The following TRAF6 variants were observed in gnomAD, a reference collection of about 807,000 sequenced individuals.
TRAF6 encodes the protein TNF receptor-associated factor 6.
A neutral mutation model predicts 48.4 loss-of-function variants in TRAF6; 10 were observed. The observed-to-expected ratio is 0.21, with a 90% CI of 0.13 to 0.35. The LOEUF (loss-of-function observed/expected upper bound fraction) is 0.35, where lower values mean the gene tolerates loss of function less well. Ranked by LOEUF, TRAF6 falls within the 10% of genes least tolerant of loss-of-function variation. The probability of loss-of-function intolerance (pLI) is 1.00; values close to 1 mark genes in which losing one functional copy is unlikely to be tolerated. For synonymous variants in TRAF6, 186 were observed against 219.6 expected (o/e 0.85, Z 1.35); for missense variants, 397 against 661.0 (o/e 0.60, Z 4.38).
At chr11:36,496,017 T>C (rs560876875) in intron 4 of TRAF6, among the ~76,000 whole-genome samples, 1 of 152,364 alleles carries the variant, frequency 6.6e-6, no homozygotes, top group South Asian at 2.1e-4. Flanking sequence ...AAAATATGCT[T>C]GATCTCAAAG....
At chr11:36,507,692 AGCGTGT>A (rs1859821304) in intron 1 of TRAF6, among the ~76,000 whole-genome samples, 1 of 40,536 alleles carries the variant, frequency 2.5e-5, no homozygotes, top group African/African-American at 1.1e-4. Flanking sequence ...TACATACACG[AGCGTGT>A]ATATATGTAT....
At chr11:36,496,990 G>A in intron 4 of TRAF6, 118 bp downstream of exon 4, 1 of 1,065,556 alleles carries the variant, frequency 9.4e-7, no homozygotes, top group East Asian at 2.7e-5. Context: ...TCCCAAAATT[G>A]ATAATGTAGA....
chr11:36,502,689 A>G (rs531592224), intron 1 of TRAF6, among the ~76,000 whole-genome samples: 4 of 152,294 alleles, frequency 2.6e-5, no homozygotes, highest in Admixed American at 6.5e-5. Flanking sequence ...ACCGCCTACA[A>G]TGAGGTACTA....
intron 5 of TRAF6, among the ~76,000 whole-genome samples, chr11:36,492,997 C>T (rs961194754): frequency 6.6e-6 from 1 of 152,164 alleles, no homozygotes; most frequent in Non-Finnish European, 1.5e-5. Flanking sequence ...TAATAGGAAC[C>T]AGTCAACTGC....
chr11:36,500,047 A>G (rs1859695013), intron 2 of TRAF6, among the ~76,000 whole-genome samples: 1 of 152,210 alleles, frequency 6.6e-6, no homozygotes. Context: ...ATCATCTACT[A>G]TGGGTCAGGC....
rs534101438 is a variant in TRAF6 at position 36,494,645 on chromosome 11, A to G, written c.678+331T>C. 4.0e-5 allele frequency among the ~76,000 whole-genome samples: 6 copies of G among 151,728 alleles called. No homozygotes were observed. The East Asian group carries it at 9.7e-4, about 24-fold the overall frequency. ...ACAGTGTGTAAATATATATATATAT[A>G]TCTTAGTTTTTTCTTTCTTTAAATG... On this transcript the variant is annotated intron_variant, in intron 5 of 6. Transcript: ENST00000526995.
chr11:36,495,227 T>A (rs1859614133), intron 4 of TRAF6, among the ~76,000 whole-genome samples, 180 bp from the exon 5 acceptor site: 1 of 152,204 alleles, frequency 6.6e-6, no homozygotes. Flanking sequence ...TTTCCCAGTG[T>A]AATAATGAGA....
chr11:36,501,310 T>A lies in TRAF6; in HGVS notation c.206A>T (p.Glu69Val). The A allele has an allele frequency of 6.2e-7, 1 of 1,614,020 alleles. No homozygotes were observed. The change falls in exon 2 of 7, where the codon GAA (glutamate) becomes GTA (valine). Residue 69 changes from glutamate to valine, a missense_variant. This residue lies in a region of TRAF6 where 73 missense variants were observed against 87.3 expected (regional missense o/e 0.84). Transcript: ENST00000526995. ...EFDPPLESKYECPICLMALRE... is the reference protein window; with the variant it reads ...EFDPPLESKYVCPICLMALRE... ...TAATGCCATCAAGCAGATGGGGCAT[T>A]CATACTTGCTTTCCAGGGGTGGGTC...
At chr11:36,495,432 GTAGAGT>G (rs1386918967) in intron 4 of TRAF6, among the ~76,000 whole-genome samples, 1 of 152,166 alleles carries the variant, frequency 6.6e-6, no homozygotes, top group East Asian at 1.9e-4. Context: ...TTTCTTGTCA[GTAGAGT>G]TAAAGAACAA....
At chr11:36,508,410 A>C (rs976813027) in intron 1 of TRAF6, among the ~76,000 whole-genome samples, 1 of 152,038 alleles carries the variant, frequency 6.6e-6, no homozygotes, top group African/African-American at 2.4e-5. Context: ...TAAATTCACG[A>C]ATTAGTATCT....
At chr11:36,501,180 G>C in intron 2 of TRAF6, 40 bp downstream of exon 2, 1 of 1,493,252 alleles carries the variant, frequency 6.7e-7, no homozygotes, top group East Asian at 2.4e-5. Context: ...TCTGCATCTG[G>C]TTCTGTTATA....
chr11:36,489,692 A>T lies in TRAF6; in HGVS notation c.*146T>A, dbSNP rs1316296386. On this transcript the variant is annotated 3_prime_UTR_variant, in exon 7 of 7. Transcript: ENST00000526995. ...ACTGCCTCAGATCATTTGTAACAGGAAGAAATAGTAAGTGACCTCTCTAAC... is the reference window on the plus strand; with the variant it reads ...ACTGCCTCAGATCATTTGTAACAGGTAGAAATAGTAAGTGACCTCTCTAAC... 1 of 909,268 alleles carries T rather than the reference A, an allele frequency of 1.1e-6. No homozygotes were observed. Among genetic ancestry groups the T allele is most frequent in the Non-Finnish European group, 1.7e-6 (1 of 590,894 alleles). The allele number at this position is 909,268 out of a possible 1,614,324, so 56.3% of individuals were successfully genotyped here.
chr11:36,492,703 CTGTA>C, intron 5 of TRAF6, 75 bp from the exon 6 acceptor site: 2 of 1,158,806 alleles, frequency 1.7e-6, no homozygotes, highest in South Asian at 1.3e-5. Context: ...CACATTTAAA[CTGTA>C]TTGTCAATGG....
Position 36,501,265 on chromosome 11 carries a change from G to A in TRAF6, c.251C>T (p.Pro84Leu), listed in dbSNP as rs1564968169. 6.2e-7 allele frequency: 1 copy of A among 1,612,780 alleles called. No homozygotes were observed. Residue 84 changes from proline (P) to leucine (L), a missense_variant, in exon 2 of 7, where the codon CCA becomes CTA. Coordinates refer to ENST00000526995, the MANE Select transcript of TRAF6 (RefSeq NM_004620.4). ...GGCTTTGCAGAACCTATGGCCGCAT[G>A]GCGTTTGCACTGCTTCTCGTAATGC... is the stretch of plus-strand genomic sequence containing the variant. The part of the protein sequence containing the change: ...LMALREAVQT[P>L]CGHRFCKACI...
chr11:36,492,143 C>A (rs1214044060), intron 6 of TRAF6, among the ~76,000 whole-genome samples: 1 of 152,214 alleles, frequency 6.6e-6, no homozygotes, highest in Non-Finnish European at 1.5e-5. Context: ...ATAATTCAAG[C>A]TGTCTTCACT....
intron 3 of TRAF6, 35 bp downstream of exon 3, chr11:36,498,455 T>C: frequency 6.3e-7 from 1 of 1,586,020 alleles, no homozygotes; most frequent in Non-Finnish European, 8.6e-7. Flanking sequence ...CTTCCTTTTA[T>C]ACATGTGCTA....
chr11:36,501,535 G>T lies in TRAF6; in HGVS notation c.-20C>A, dbSNP rs761944939. The T allele has an allele frequency of 7.6e-6, 12 of 1,569,386 alleles. No homozygotes were observed. The South Asian group carries it at 1.1e-4, about 14-fold the overall frequency. ...ACTCATAGTAACTTGATTATCACTT[G>T]CTCTGTAGAAATAGCAAGAAAAAAA... is the stretch of plus-strand genomic sequence containing the variant. On this transcript the variant is annotated splice_region_variant and 5_prime_UTR_variant, in exon 2 of 7. Transcript: ENST00000526995.
At position 36,486,680 on chromosome 11, in the gene TRAF6, T is replaced by C. The variant is rs756867362; in HGVS notation, c.*3158A>G. ...ATAAAAGTTAAATCATATTGTAGTA[T>C]ACCAATAAACAGTCTTTGCTGCCAA... On this transcript the variant is annotated 3_prime_UTR_variant, in exon 7 of 7. Transcript: ENST00000526995. Among the ~76,000 whole-genome samples, 4 of 152,200 alleles carry C rather than the reference T, an allele frequency of 2.6e-5. No homozygotes were observed. The highest frequency in any genetic ancestry group is 1.3e-4 in the Admixed American group (2 of 15,292).
At chr11:36,508,313 T>TAA (rs1859836140) in intron 1 of TRAF6, among the ~76,000 whole-genome samples, 1 of 151,894 alleles carries the variant, frequency 6.6e-6, no homozygotes, top group African/African-American at 2.4e-5. Flanking sequence ...AGCACTACCT[T>TAA]AAAGATTGTG....
Sources: allele counts gnomAD v4.1 joint callset (sites outside exome capture counted in the v4.1 genomes callset), GRCh38; gene constraint gnomAD v4.1.1; regional missense constraint gnomAD v4.1.1; transcripts MANE v1.5; gene names NCBI Gene and HGNC (gene_info 2026-07-23, HGNC 2026-07-21).